CCSER1: variants seen among roughly 807,000 people sequenced by gnomAD.
CCSER1 encodes the protein coiled-coil serine rich protein 1.
In CCSER1, 41 loss-of-function variants were observed where a neutral mutation model predicts 82.0. That is an observed-to-expected ratio of 0.50 (90% confidence interval 0.39 to 0.65). CCSER1 has a LOEUF of 0.65. Among genes scored for constraint, CCSER1 ranks in the 30% least tolerant of loss-of-function variants. CCSER1 has a pLI of 0.00. For missense variants in CCSER1, 1,119 were observed against 1,064.2 expected (o/e 1.05, Z -0.72); for synonymous variants, 414 against 383.9 (o/e 1.08, Z -0.92).
At chr4:91,365,418 C>T (rs1749545315) in intron 10 of CCSER1, among the ~76,000 whole-genome samples, 2 of 152,200 alleles carry the variant, frequency 1.3e-5, no homozygotes, top group Admixed American at 6.5e-5. Flanking sequence ...TAACACATTA[C>T]ATTTTGTATT....
At chr4:90,750,389 A>G (rs2031330923) in intron 7 of CCSER1, among the ~76,000 whole-genome samples, 1 of 152,084 alleles carries the variant, frequency 6.6e-6, no homozygotes, top group African/African-American at 2.4e-5. Context: ...ACTTTTAGCT[A>G]ACCCTCTAGT....
chr4:90,866,397 C>A (rs1004986559), intron 8 of CCSER1, among the ~76,000 whole-genome samples: 13 of 151,990 alleles, frequency 8.6e-5, no homozygotes, highest in African/African-American at 2.9e-4. Flanking sequence ...CTTCCCAGAA[C>A]AGAATGTCTG....
intron 4 of CCSER1, among the ~76,000 whole-genome samples, chr4:90,452,716 C>T (rs1470763077): frequency 3.3e-5 from 5 of 152,330 alleles, no homozygotes; most frequent in Admixed American, 6.5e-5. Flanking sequence ...GCCCTTTTAG[C>T]CTCTGGTTCC....
At chr4:90,863,494 C>G (rs1005941961) in intron 8 of CCSER1, among the ~76,000 whole-genome samples, 3 of 151,820 alleles carry the variant, frequency 2.0e-5, no homozygotes, top group Admixed American at 2.0e-4. Flanking sequence ...ATATATGTTT[C>G]TATTATACAC....
intron 8 of CCSER1, among the ~76,000 whole-genome samples, chr4:90,900,721 T>C (rs1724513541): frequency 6.6e-6 from 1 of 152,170 alleles, no homozygotes; most frequent in African/African-American, 2.4e-5. Flanking sequence ...AAGAATGTGG[T>C]CAATTTTAGA....
rs77236184 is a variant in CCSER1 at position 91,441,977 on chromosome 4, C to A, written c.2218-156595C>A. On this transcript the variant is annotated intron_variant, in intron 10 of 10. Transcript: ENST00000509176. The stretch of plus-strand genomic sequence containing the variant: ...CTGCTCAAGGAAATAAAAGAGAATA[C>A]AAACAAATGGAAGAACATTCCATGC... 9.0e-3 allele frequency among the ~76,000 whole-genome samples: 1,364 copies of A among 152,272 alleles called. 98 individuals carry two copies. In the East Asian group the frequency reaches 0.19, roughly 21 times the overall value.
intron 10 of CCSER1, among the ~76,000 whole-genome samples, chr4:91,467,725 T>C (rs1478762423): frequency 6.6e-6 from 1 of 152,174 alleles, no homozygotes; most frequent in African/African-American, 2.4e-5. Flanking sequence ...AGAAGACATG[T>C]ATGCAGCCAA....
intron 10 of CCSER1, among the ~76,000 whole-genome samples, chr4:91,574,401 T>A (rs55696065): frequency 0.069 from 10,436 of 152,082 alleles, 388 homozygotes; most frequent in Middle Eastern, 0.099. Flanking sequence ...ACTGGATATG[T>A]ATCTAAAAAG....
intron 8 of CCSER1, among the ~76,000 whole-genome samples, chr4:90,920,305 A>G (rs1420425846): frequency 1.3e-5 from 2 of 151,942 alleles, no homozygotes; most frequent in Non-Finnish European, 2.9e-5. Context: ...ATGGTCTTTA[A>G]TTATAAAATC....
Position 91,104,005 on chromosome 4 carries a change from C to T in CCSER1, c.2217+18011C>T, listed in dbSNP as rs566963791. Among the ~76,000 whole-genome samples, 28 of 152,060 alleles carry T rather than the reference C, an allele frequency of 1.8e-4. No individual in the cohort carries two copies. The South Asian group carries it at 2.7e-3, about 15-fold the overall frequency. ...GCATTCCTGGGGGGAGGTCTATAAACGGCCGCTCTGGGAATGTCTGTCTTA... is the reference window on the plus strand; with the variant it reads ...GCATTCCTGGGGGGAGGTCTATAAATGGCCGCTCTGGGAATGTCTGTCTTA... On this transcript the variant is annotated intron_variant, in intron 10 of 10. Coordinates refer to ENST00000509176, the MANE Select transcript of CCSER1 (RefSeq NM_001145065.2).
chr4:90,147,140 C>G (rs1361212756), intron 1 of CCSER1, among the ~76,000 whole-genome samples: 1 of 151,786 alleles, frequency 6.6e-6, no homozygotes, highest in Admixed American at 6.6e-5. Flanking sequence ...TTAATGCTTT[C>G]CATGTGTAAG....
chr4:90,543,203 A>G (rs1033647013), intron 5 of CCSER1, among the ~76,000 whole-genome samples: 2 of 152,126 alleles, frequency 1.3e-5, no homozygotes, highest in Non-Finnish European at 2.9e-5. Flanking sequence ...TATAATAGCC[A>G]TATATAGAGA....
intron 6 of CCSER1, among the ~76,000 whole-genome samples, chr4:90,720,407 A>G (rs1426982566): frequency 6.6e-6 from 1 of 152,098 alleles, no homozygotes; most frequent in Non-Finnish European, 1.5e-5. Flanking sequence ...GACTTATACA[A>G]TAAAATATTT....
chr4:90,208,437 G>T (rs1015760253), intron 1 of CCSER1, among the ~76,000 whole-genome samples: 1 of 151,870 alleles, frequency 6.6e-6, no homozygotes, highest in South Asian at 2.1e-4. Context: ...AGCTTGCTGG[G>T]CTCTGTAGAC....
chr4:91,299,897 G>A (rs13113299), intron 10 of CCSER1, among the ~76,000 whole-genome samples: 8,483 of 151,412 alleles, frequency 0.056, 318 homozygotes, highest in Middle Eastern at 0.082. Context: ...TTAAATGAAC[G>A]ACTTGCTACT....
chr4:91,355,006 C>A (rs1474388207), intron 10 of CCSER1, among the ~76,000 whole-genome samples: 1 of 151,974 alleles, frequency 6.6e-6, no homozygotes, highest in African/African-American at 2.4e-5. Context: ...ACATATTTTT[C>A]TTTATTTTAT....
chr4:90,612,728 G>C (rs543434037), intron 5 of CCSER1, among the ~76,000 whole-genome samples: 47 of 152,140 alleles, frequency 3.1e-4, no homozygotes, highest in South Asian at 2.1e-3. Context: ...CCATAAAAAG[G>C]CTATCTTTTG....
At chr4:91,120,705 C>T (rs1266529198) in intron 10 of CCSER1, among the ~76,000 whole-genome samples, 1 of 151,678 alleles carries the variant, frequency 6.6e-6, no homozygotes, top group Admixed American at 6.6e-5. Context: ...TAGTTGAATC[C>T]AGGAGGGAAA....
At chr4:91,368,058 AATG>A (rs1410724869) in intron 10 of CCSER1, among the ~76,000 whole-genome samples, 1 of 152,184 alleles carries the variant, frequency 6.6e-6, no homozygotes, top group Admixed American at 6.5e-5. Context: ...GTAAAAATAT[AATG>A]ATAGTATTTT....
Sources: allele counts gnomAD v4.1 joint callset (sites outside exome capture counted in the v4.1 genomes callset), GRCh38; gene constraint gnomAD v4.1.1; transcripts MANE v1.5; gene names NCBI Gene and HGNC (gene_info 2026-07-23, HGNC 2026-07-21).